LDLRAD3: variants seen among roughly 807,000 people sequenced by gnomAD.
LDLRAD3 encodes the protein low-density lipoprotein receptor class A domain-containing protein 3.
Under a neutral mutation model 29.4 loss-of-function variants are expected in LDLRAD3, and 20 were observed. The observed-to-expected ratio is 0.68, with a 90% confidence interval of 0.48 to 0.99. The LOEUF (loss-of-function observed/expected upper bound fraction) is 0.99. Ranked by LOEUF, LDLRAD3 falls within the 50% of genes least tolerant of loss-of-function variation. The pLI, the probability that LDLRAD3 is intolerant of heterozygous loss-of-function variation, is 0.00. For synonymous variants in LDLRAD3, 157 were observed against 192.7 expected, an observed-to-expected ratio of 0.81 and a Z score of 1.53; for missense variants, 420 against 454.3, an observed-to-expected ratio of 0.92 and a Z score of 0.69.
chr11:36,151,030 C>T (rs564949765), intron 4 of LDLRAD3, among the ~76,000 whole-genome samples: 11 of 152,274 alleles, frequency 7.2e-5, no homozygotes, highest in African/African-American at 2.4e-4. Flanking sequence ...CTGATCTGTT[C>T]ACCACATGCA....
rs897052124 is a variant in LDLRAD3, at chr11:35,991,257, G to A, written c.47-44846G>A. Among the ~76,000 whole-genome samples the A allele has an allele frequency of 5.8e-4, 89 of 152,244 alleles. 1 individual carries two copies. The highest frequency in any genetic ancestry group is 4.0e-4 in the Non-Finnish European group (27 of 68,028). On this transcript the variant is annotated intron_variant, in intron 1 of 5. Coordinates refer to ENST00000315571, the MANE Select transcript of LDLRAD3 (RefSeq NM_174902.4). ...CTAGTACTGTTGTGGGTTCCTTCGG[G>A]CACTTTTGTCTTGCTTAACAATGCA...
chr11:36,219,764 A>T (rs1192974582), intron 4 of LDLRAD3, among the ~76,000 whole-genome samples: 1 of 152,252 alleles, frequency 6.6e-6, no homozygotes, highest in East Asian at 1.9e-4. Flanking sequence ...CAAACCATTA[A>T]GAAGGAATTG....
At chr11:36,008,433 T>C (rs1214236748) in intron 1 of LDLRAD3, among the ~76,000 whole-genome samples, 4 of 152,124 alleles carry the variant, frequency 2.6e-5, no homozygotes, top group African/African-American at 9.7e-5. Flanking sequence ...TGAGAAAATA[T>C]AAGGAGGAAT....
chr11:36,192,610 A>G (rs1012480426), intron 4 of LDLRAD3, among the ~76,000 whole-genome samples: 1 of 152,242 alleles, frequency 6.6e-6, no homozygotes, highest in Non-Finnish European at 1.5e-5. Flanking sequence ...ACATGCATAT[A>G]TCTGGCATAT....
chr11:36,006,417 A>T (rs901206216), intron 1 of LDLRAD3, among the ~76,000 whole-genome samples: 1 of 152,210 alleles, frequency 6.6e-6, no homozygotes, highest in African/African-American at 2.4e-5. Flanking sequence ...AATTAAATGG[A>T]ACAGGTTTAG....
At chr11:35,993,170 C>T (rs1851710469) in intron 1 of LDLRAD3, among the ~76,000 whole-genome samples, 1 of 152,168 alleles carries the variant, frequency 6.6e-6, no homozygotes, top group Non-Finnish European at 1.5e-5. Flanking sequence ...ACTCCCATTT[C>T]ACTGTGCTAG....
At chr11:36,146,766 C>T (rs1465173802) in intron 4 of LDLRAD3, among the ~76,000 whole-genome samples, 1 of 61,020 alleles carries the variant, frequency 1.6e-5, no homozygotes, top group East Asian at 7.6e-4. Flanking sequence ...TCCCAAATTT[C>T]CCTCTACTTT....
intron 1 of LDLRAD3, among the ~76,000 whole-genome samples, chr11:36,000,818 G>A (rs549342573): frequency 2.0e-5 from 3 of 152,240 alleles, no homozygotes; most frequent in African/African-American, 7.2e-5. Context: ...GGAGCTTGGG[G>A]GCCAGGAGGC....
chr11:36,119,116 T>C (rs531496362), intron 4 of LDLRAD3, among the ~76,000 whole-genome samples: 1 of 152,088 alleles, frequency 6.6e-6, no homozygotes, highest in Admixed American at 6.5e-5. Flanking sequence ...AAATAAAAAA[T>C]AAAAAAGGTT....
chr11:36,091,711 C>T (rs1339138533), intron 3 of LDLRAD3, among the ~76,000 whole-genome samples: 2 of 152,088 alleles, frequency 1.3e-5, no homozygotes, highest in Admixed American at 1.3e-4. Context: ...AACTGAGTAA[C>T]ATAATACATT....
intron 4 of LDLRAD3, among the ~76,000 whole-genome samples, chr11:36,193,809 C>T (rs1264987867): frequency 6.6e-6 from 1 of 152,156 alleles, no homozygotes; most frequent in Non-Finnish European, 1.5e-5. Context: ...TCCTGAAAAG[C>T]CACCGAGTGT....
chr11:36,177,812 G>C (rs1854701379), intron 4 of LDLRAD3, among the ~76,000 whole-genome samples: 1 of 152,208 alleles, frequency 6.6e-6, no homozygotes, highest in Non-Finnish European at 1.5e-5. Flanking sequence ...GCTCCCGATT[G>C]GTTGGACTCC....
intron 2 of LDLRAD3, among the ~76,000 whole-genome samples, chr11:36,055,061 GGGT>G: frequency 1.3e-4 from 1 of 7,530 alleles, no homozygotes; most frequent in Non-Finnish European, 2.9e-4. Flanking sequence ...ATAGATGAAT[GGGT>G]GGATGGATAG....
chr11:36,180,058 G>C (rs946540028), intron 4 of LDLRAD3, among the ~76,000 whole-genome samples: 1 of 152,190 alleles, frequency 6.6e-6, no homozygotes, highest in Non-Finnish European at 1.5e-5. Context: ...CCAACGCACA[G>C]ATCAGGGTAG....
At chr11:36,053,049 G>A (rs942129317) in intron 2 of LDLRAD3, among the ~76,000 whole-genome samples, 1 of 152,084 alleles carries the variant, frequency 6.6e-6, no homozygotes, top group Non-Finnish European at 1.5e-5. Flanking sequence ...GAGTGCCAAA[G>A]GGAGAAAGGA....
chr11:36,079,974 A>G (rs1238914675), intron 2 of LDLRAD3, among the ~76,000 whole-genome samples: 2 of 152,226 alleles, frequency 1.3e-5, no homozygotes, highest in African/African-American at 4.8e-5. Context: ...AGAAGAGTTC[A>G]CCAGTACCAT....
chr11:36,195,419 G>T (rs1019571834), intron 4 of LDLRAD3, among the ~76,000 whole-genome samples: 2 of 152,154 alleles, frequency 1.3e-5, no homozygotes, highest in Non-Finnish European at 1.5e-5. Context: ...ATAACATTGT[G>T]CAGGGTCCAG....
intron 1 of LDLRAD3, chr11:35,997,201 TG>T: frequency 3.5e-6 from 1 of 284,202 alleles, no homozygotes; most frequent in Non-Finnish European, 6.8e-6. Context: ...CTTAACTAGC[TG>T]GGGATTCTAC....
intron 4 of LDLRAD3, among the ~76,000 whole-genome samples, chr11:36,172,811 G>A (rs548039492): frequency 4.0e-4 from 61 of 152,186 alleles, no homozygotes; most frequent in African/African-American, 1.4e-3. Flanking sequence ...GTCCTTTCCT[G>A]GTTTTGGTGT....
Sources: gnomAD v4.1 joint callset for allele counts (sites outside exome capture counted in the v4.1 genomes callset) on GRCh38, gnomAD v4.1.1 for gene constraint, MANE v1.5 for transcripts, NCBI Gene and HGNC (gene_info 2026-07-23, HGNC 2026-07-21) for gene names.